Variants in SOBP observed in about 807,000 individuals in gnomAD.
SOBP encodes sine oculis-binding protein homolog.
A neutral mutation model predicts 53.6 loss-of-function variants in SOBP; 4 were observed. The ratio of observed to expected loss-of-function variants is 0.07; its 90% CI spans 0.04 to 0.17. The LOEUF (loss-of-function observed/expected upper bound fraction) is 0.17. SOBP is among the 10% of genes least tolerant of loss of function. The pLI, the probability that SOBP is intolerant of heterozygous loss-of-function variation, is 1.00. For missense variants in SOBP, 1,088 were observed against 1,204.7 expected, an observed-to-expected ratio of 0.90 and a Z score of 1.43; for synonymous variants, 584 against 522.6, an observed-to-expected ratio of 1.12 and a Z score of -1.60.
chr6:107,542,570 C>T (rs893063031), intron 4 of SOBP, among the ~76,000 whole-genome samples: 2 of 151,828 alleles, frequency 1.3e-5, no homozygotes, highest in African/African-American at 4.8e-5. Context: ...TTCAGGATCC[C>T]GTATGCAAGG....
chr6:107,582,429 A>C (rs1292275219), intron 4 of SOBP, among the ~76,000 whole-genome samples: 2 of 152,162 alleles, frequency 1.3e-5, no homozygotes, highest in African/African-American at 4.8e-5. Flanking sequence ...AATTACTGTA[A>C]ATTTCTCATA....
Position 107,634,898 on chromosome 6 carries a change from C to G in SOBP, c.2054C>G (p.Ala685Gly). The G allele has an allele frequency of 2.3e-6, 3 of 1,298,406 alleles. No individual in the cohort carries two copies. Among genetic ancestry groups the G allele is most frequent in the Non-Finnish European group, 3.0e-6 (3 of 1,013,020 alleles). The allele number at this position is 1,298,406 out of a possible 1,614,324, so 80.4% of individuals were successfully genotyped here. ...HVKAEREPSA[A>G]ERRTCGGCRD... ...AAGGCGGAGCGCGAGCCGAGCGCCG[C>G]GGAGCGCAGGACCTGCGGCGGCTGC... The change falls in exon 6 of 7, where the codon GCG (alanine) becomes GGG (glycine). Residue 685 changes from alanine to glycine, a missense_variant. Coordinates refer to ENST00000317357, the MANE Select transcript of SOBP (RefSeq NM_018013.4). The surrounding 1 kb of genome is among the most constrained non-coding windows in gnomAD (Gnocchi z 4.5).
chr6:107,545,781 T>C (rs964301901), intron 4 of SOBP, among the ~76,000 whole-genome samples: 1 of 152,058 alleles, frequency 6.6e-6, no homozygotes, highest in South Asian at 2.1e-4. Flanking sequence ...CCAGATCTAG[T>C]AGCTCCTGAA....
chr6:107,634,957 G>T lies in SOBP; in HGVS notation c.2113G>T (p.Asp705Tyr). ...CCACTGCAGCCCGCCCGCCGCCGGC[G>T]ACCCAGGCCCGGGCGCCCCGGCGGG... ...DGHCSPPAAG[D>Y]PGPGAPAGPE... Residue 705 changes from aspartate to tyrosine, a missense_variant, in exon 6 of 7, where the codon GAC becomes TAC. By Grantham distance (160) the Asp-to-Tyr change is radical (BLOSUM62 -3). Coordinates refer to ENST00000317357, the MANE Select transcript of SOBP (RefSeq NM_018013.4). This position sits in a 1 kb window ranked among gnomAD's most constrained non-coding sequence, Gnocchi z 4.5. 1 of 1,037,282 alleles carries T rather than the reference G, an allele frequency of 9.6e-7. No individual in the cohort carries two copies. The highest frequency in any genetic ancestry group is 4.4e-5 in the South Asian group (1 of 22,558). The allele number at this position is 1,037,282 out of a possible 1,614,324, so 64.3% of individuals were successfully genotyped here.
chr6:107,589,423 C>T (rs1186620433), intron 5 of SOBP, among the ~76,000 whole-genome samples: 1 of 152,174 alleles, frequency 6.6e-6, no homozygotes, highest in Non-Finnish European at 1.5e-5. Context: ...CCCCACATGC[C>T]TGCTTCTTGG....
chr6:107,509,908 A>G (rs1007092921), intron 3 of SOBP: 3 of 152,158 alleles, frequency 2.0e-5, no homozygotes, highest in East Asian at 1.9e-4. Flanking sequence ...TTAATTTTCT[A>G]TCTCCGCTCC....
chr6:107,529,711 C>G (rs1482490424), intron 3 of SOBP: 1 of 677,298 alleles, frequency 1.5e-6, no homozygotes, highest in African/African-American at 2.0e-5. Flanking sequence ...AAGGCAATTT[C>G]TCAAACAACT....
rs1328380062 is a variant in SOBP, at chr6:107,633,666, G to T, written c.822G>T (p.Gly274=). ...AGACCCAGGCCAATCTTCCAGCTGG[G>T]CTGTGCAGCACATTACACCCTCCCA... is the stretch of plus-strand genomic sequence containing the variant. The part of the protein sequence containing the change: ...YKETQANLPA[G]LCSTLHPPME... The change falls in exon 6 of 7, where the codon GGG becomes GGT. Residue 274 remains glycine, a synonymous_variant. Coordinates refer to ENST00000317357, the MANE Select transcript of SOBP (RefSeq NM_018013.4). The T allele has an allele frequency of 4.3e-6, 7 of 1,614,260 alleles. No individual in the cohort carries two copies. Among genetic ancestry groups the T allele is most frequent in the African/African-American group, 2.7e-5 (2 of 75,062 alleles).
At chr6:107,491,069 C>G (rs532778457) in intron 1 of SOBP, among the ~76,000 whole-genome samples, 1 of 152,110 alleles carries the variant, frequency 6.6e-6, no homozygotes, top group African/African-American at 2.4e-5. Flanking sequence ...TGAGAATCAT[C>G]CTCAGGGTCC....
intron 6 of SOBP, among the ~76,000 whole-genome samples, chr6:107,652,382 G>T (rs1038487025): frequency 6.6e-6 from 1 of 152,216 alleles, no homozygotes; most frequent in African/African-American, 2.4e-5. Context: ...GATAGAAATA[G>T]CAAGAGAATT....
At chr6:107,575,918 A>G (rs1785210551) in intron 4 of SOBP, among the ~76,000 whole-genome samples, 1 of 152,094 alleles carries the variant, frequency 6.6e-6, no homozygotes, top group African/African-American at 2.4e-5. Flanking sequence ...TATTACCTCA[A>G]TTCATCATCT....
chr6:107,586,740 C>T (rs918172903), intron 4 of SOBP, among the ~76,000 whole-genome samples: 6 of 152,084 alleles, frequency 3.9e-5, no homozygotes, highest in Admixed American at 3.9e-4. Flanking sequence ...AAAGTTTAAA[C>T]ACGTATGTAT....
chr6:107,505,435 G>A (rs1483997027), intron 2 of SOBP, among the ~76,000 whole-genome samples: 1 of 151,776 alleles, frequency 6.6e-6, no homozygotes, highest in Non-Finnish European at 1.5e-5. Context: ...CGATTCTCGT[G>A]CCTCAACCTC....
chr6:107,610,819 CACACAT>C (rs1489007082), intron 5 of SOBP, among the ~76,000 whole-genome samples: 3 of 147,274 alleles, frequency 2.0e-5, no homozygotes, highest in Admixed American at 6.9e-5. Flanking sequence ...CACACACACA[CACACAT>C]ACACACACCA....
At chr6:107,579,811 A>G (rs566382326) in intron 4 of SOBP, among the ~76,000 whole-genome samples, 31 of 152,320 alleles carry the variant, frequency 2.0e-4, no homozygotes, top group African/African-American at 7.5e-4. Flanking sequence ...TTTATGATAT[A>G]TATAAAGGTT....
intron 4 of SOBP, among the ~76,000 whole-genome samples, chr6:107,552,926 GAATA>G (rs1267248092): frequency 1.3e-5 from 2 of 151,902 alleles, no homozygotes; most frequent in Non-Finnish European, 1.5e-5. Context: ...CTGTCTCCAT[GAATA>G]AATAAATAAA....
chr6:107,600,950 T>TTAAAGTTATATTGTTAAATTATA (rs1786157019), intron 5 of SOBP, among the ~76,000 whole-genome samples: 1 of 152,140 alleles, frequency 6.6e-6, no homozygotes, highest in East Asian at 1.9e-4. Flanking sequence ...ATTAAATTAT[T>TTAAAGTTATATTGTTAAATTATA]TAAAGTTATA....
rs145562698 is a variant in SOBP at position 107,541,407 on chromosome 6, T to A, written c.573+7797T>A. Among the ~76,000 whole-genome samples the A allele has an allele frequency of 9.8e-5, 15 of 152,342 alleles. No individual in the cohort carries two copies. The East Asian group carries it at 2.9e-3, about 29-fold the overall frequency. On this transcript the variant is annotated intron_variant, in intron 4 of 6. Coordinates refer to ENST00000317357, the MANE Select transcript of SOBP (RefSeq NM_018013.4). ...ACAAGTGCCTTGACTTTGAAATGAT[T>A]ATTTTTCCATCGAAATAGTAGAAGT... is the stretch of plus-strand genomic sequence containing the variant.
intron 5 of SOBP, among the ~76,000 whole-genome samples, chr6:107,627,630 C>G (rs1034779154): frequency 1.3e-5 from 2 of 151,888 alleles, no homozygotes; most frequent in Admixed American, 6.6e-5. Context: ...GAATAAAATA[C>G]AAAGCAAAAC....
Sources: gnomAD v4.1 joint callset for allele counts (sites outside exome capture counted in the v4.1 genomes callset) on GRCh38, gnomAD v4.1.1 for gene constraint, Gnocchi (gnomAD v3.1) non-coding constraint, MANE v1.5 for transcripts, NCBI Gene and HGNC (gene_info 2026-07-23, HGNC 2026-07-21) for gene names.